The following ITPK1 variants were observed in gnomAD, a reference collection of about 807,000 sequenced individuals.
ITPK1 encodes inositol 1,3,4-trisphosphate 5/6-kinase.
In ITPK1, 21 loss-of-function variants were observed where a neutral mutation model predicts 45.3. The ratio of observed to expected loss-of-function variants is 0.46; its 90% CI spans 0.33 to 0.67. The LOEUF (loss-of-function observed/expected upper bound fraction) is 0.67, where lower values mean the gene tolerates loss of function less well. ITPK1 is among the 30% of genes least tolerant of loss of function. ITPK1 has a pLI of 0.02. For synonymous variants in ITPK1, 258 were observed against 253.6 expected, an observed-to-expected ratio of 1.02 and a Z score of -0.16; for missense variants, 474 against 573.5, an observed-to-expected ratio of 0.83 and a Z score of 1.77.
intron 2 of ITPK1, among the ~76,000 whole-genome samples, chr14:93,107,991 C>T (rs1892592144): frequency 6.6e-6 from 1 of 152,230 alleles, no homozygotes; most frequent in African/African-American, 2.4e-5. Flanking sequence ...CACAAGGAGG[C>T]TTTGGCCAGT....
At position 92,940,328 on chromosome 14, in the gene ITPK1, A is replaced by C; in HGVS notation, c.*1233T>G. The C allele has an allele frequency of 1.0e-6, 1 of 996,176 alleles. No homozygotes were observed. Among genetic ancestry groups the C allele is most frequent in the Non-Finnish European group, 1.2e-6 (1 of 836,236 alleles). The allele number at this position is 996,176 out of a possible 1,614,324, so 61.7% of individuals were successfully genotyped here. A position where few individuals can be genotyped will look rare whatever the true frequency, so the allele number is the denominator to read the frequency against. On this transcript the variant is annotated 3_prime_UTR_variant, in exon 11 of 11. Coordinates refer to ENST00000267615, the MANE Select transcript of ITPK1 (RefSeq NM_014216.6). ...AGCACCCCACATCTTCCAGGACTGC[A>C]GAGGCTTCTCCCCAACCCTTTTCTC...
At chr14:92,972,779 C>T (rs369885359) in intron 5 of ITPK1, among the ~76,000 whole-genome samples, 2 of 152,124 alleles carry the variant, frequency 1.3e-5, no homozygotes, top group East Asian at 3.9e-4. Context: ...TTAGTAGAGA[C>T]GGGGTTTTGC....
chr14:92,979,818 CTTT>C (rs34155349), intron 5 of ITPK1, among the ~76,000 whole-genome samples: 2 of 144,808 alleles, frequency 1.4e-5, no homozygotes, highest in Admixed American at 1.4e-4. Context: ...TTTTTAATCC[CTTT>C]TTTTTTTTTG....
At chr14:92,953,213 C>T (rs577525821) in intron 8 of ITPK1, among the ~76,000 whole-genome samples, 5 of 152,382 alleles carry the variant, frequency 3.3e-5, no homozygotes, top group Admixed American at 6.5e-5. Context: ...GTGATTCGGG[C>T]GGAAGCCAAG....
chr14:92,944,047 G>A lies in ITPK1; in HGVS notation c.902-2143C>T, dbSNP rs562038528. Among the ~76,000 whole-genome samples, 24 of 152,308 alleles carry A rather than the reference G, an allele frequency of 1.6e-4. No homozygotes were observed. The East Asian group carries it at 4.2e-3, about 27-fold the overall frequency. ...AGATTCCAGCGGCCCTTTGCACAACGCCTCGTGAGGACGAAGTGAGGCGTC... is the reference window on the plus strand; with the variant it reads ...AGATTCCAGCGGCCCTTTGCACAACACCTCGTGAGGACGAAGTGAGGCGTC... On this transcript the variant is annotated intron_variant, in intron 10 of 10. Transcript: ENST00000267615.
intron 4 of ITPK1, among the ~76,000 whole-genome samples, chr14:93,011,602 G>A (rs536963385): frequency 6.6e-6 from 1 of 152,324 alleles, no homozygotes; most frequent in South Asian, 2.1e-4. Context: ...ACTTTGTCCT[G>A]TGTAGGCTGG....
chr14:92,947,581 A>T (rs1016998825), intron 9 of ITPK1, among the ~76,000 whole-genome samples: 1 of 152,204 alleles, frequency 6.6e-6, no homozygotes, highest in Non-Finnish European at 1.5e-5. Context: ...CTGTAAAAGG[A>T]AGCAACAGGC....
rs947548620 is a variant in ITPK1, at chr14:93,063,066, C to T, written c.120+13529G>A. Among the ~76,000 whole-genome samples the T allele has an allele frequency of 6.6e-6, 1 of 152,198 alleles. No individual in the cohort carries two copies. Among genetic ancestry groups the T allele is most frequent in the Non-Finnish European group, 1.5e-5 (1 of 68,036 alleles). ...AGTAAATGTGCGCCCCCACCCCACC[C>T]CCATCTCCCATCTCTCTCCCACGCC... On this transcript the variant is annotated intron_variant, in intron 3 of 10. Coordinates refer to ENST00000267615, the MANE Select transcript of ITPK1 (RefSeq NM_014216.6). The surrounding 1 kb of genome is among the most constrained non-coding windows in gnomAD (Gnocchi z 4.3).
intron 2 of ITPK1, among the ~76,000 whole-genome samples, chr14:93,077,381 G>C (rs929352771): frequency 6.6e-6 from 1 of 151,882 alleles, no homozygotes; most frequent in Admixed American, 6.6e-5. Context: ...GGAATGTTAC[G>C]ATCTCAGCTC....
intron 9 of ITPK1, among the ~76,000 whole-genome samples, chr14:92,949,745 C>T (rs1887869691): frequency 6.6e-6 from 1 of 152,254 alleles, no homozygotes; most frequent in African/African-American, 2.4e-5. Context: ...ACGCCATTTA[C>T]AAAAGTGCTC....
At chr14:93,075,355 AAAAAAAG>A (rs1891177296) in intron 3 of ITPK1, among the ~76,000 whole-genome samples, 3 of 142,594 alleles carry the variant, frequency 2.1e-5, no homozygotes, top group African/African-American at 8.7e-5. Context: ...AAAAAAAAAA[AAAAAAAG>A]GAAGAGAAAA....
At chr14:93,028,026 T>C (rs1171314809) in intron 3 of ITPK1, among the ~76,000 whole-genome samples, 3 of 152,234 alleles carry the variant, frequency 2.0e-5, no homozygotes, top group Non-Finnish European at 4.4e-5. Flanking sequence ...TGTGGGTCCA[T>C]GCACCTGCTG....
chr14:93,113,357 T>C (rs1645389359), intron 2 of ITPK1, among the ~76,000 whole-genome samples: 1 of 152,190 alleles, frequency 6.6e-6, no homozygotes, highest in African/African-American at 2.4e-5. Context: ...CGGCGAAGAA[T>C]ATTTTGCGAG....
Position 93,076,865 on chromosome 14 carries a change from C to T in ITPK1, c.96-246G>A, listed in dbSNP as rs55676833. 0.13 allele frequency among the ~76,000 whole-genome samples: 20,214 copies of T among 152,040 alleles called. 1,467 individuals are homozygous for T. Among genetic ancestry groups the T allele is most frequent in the South Asian group, 0.25 (1,197 of 4,796 alleles). ...TTGCTGGAGTCCTCTGGAGGCCCCA[C>T]GCCAGCCACCTCCCTCCACTCCTGG... is the stretch of plus-strand genomic sequence containing the variant. On this transcript the variant is annotated intron_variant, in intron 2 of 10. Coordinates refer to ENST00000267615, the MANE Select transcript of ITPK1 (RefSeq NM_014216.6). This position sits in a 1 kb window ranked among gnomAD's most constrained non-coding sequence, Gnocchi z 4.3.
At position 92,938,916 on chromosome 14, in the gene ITPK1, T is replaced by C. The variant is rs74602588; in HGVS notation, c.*2645A>G. The C allele has an allele frequency of 2.9e-3, 752 of 256,120 alleles. 12 individuals carry two copies. The highest frequency in any genetic ancestry group is 0.016 in the African/African-American group (718 of 44,710). The allele number at this position is 256,120 out of a possible 1,614,324, so 15.9% of individuals were successfully genotyped here. Reference sequence around the variant, plus strand: ...GACTGTGCAGGTGACCCTCTGAAACTACCCAAGGACTCAGCCAAAGTGTGG... The same window carrying C: ...GACTGTGCAGGTGACCCTCTGAAACCACCCAAGGACTCAGCCAAAGTGTGG... On this transcript the variant is annotated 3_prime_UTR_variant, in exon 11 of 11. Transcript: ENST00000267615.
At position 92,963,877 on chromosome 14, in the gene ITPK1, G is replaced by A. The variant is rs74074537; in HGVS notation, c.365-1028C>T. Among the ~76,000 whole-genome samples, 1,355 of 152,276 alleles carry A rather than the reference G, an allele frequency of 8.9e-3. 19 individuals carry two copies. Among genetic ancestry groups the A allele is most frequent in the African/African-American group, 0.03 (1,266 of 41,538 alleles). Reference sequence around the variant, plus strand: ...AAGGTGGGACCACCCTGTACTTCAGGGCACAGGGGCCAGGAAAGGCTGAGT... The same window carrying A: ...AAGGTGGGACCACCCTGTACTTCAGAGCACAGGGGCCAGGAAAGGCTGAGT... On this transcript the variant is annotated intron_variant, in intron 5 of 10. Coordinates refer to ENST00000267615, the MANE Select transcript of ITPK1 (RefSeq NM_014216.6).
chr14:93,097,449 C>A (rs1219719237), intron 2 of ITPK1, among the ~76,000 whole-genome samples: 2 of 152,174 alleles, frequency 1.3e-5, no homozygotes, highest in Non-Finnish European at 2.9e-5. Flanking sequence ...AAAGGTCAAG[C>A]CCCAGGGCAG....
At chr14:93,046,195 G>A (rs1479135384) in intron 3 of ITPK1, among the ~76,000 whole-genome samples, 1 of 152,172 alleles carries the variant, frequency 6.6e-6, no homozygotes. Flanking sequence ...TTCCAAACAG[G>A]ACTTTCTTGT....
At chr14:93,084,181 C>A (rs1891560187) in intron 2 of ITPK1, among the ~76,000 whole-genome samples, 2 of 152,236 alleles carry the variant, frequency 1.3e-5, no homozygotes, top group South Asian at 2.1e-4. Context: ...GCCAGCCAGA[C>A]CCGCCACCTG....
Sources: allele counts gnomAD v4.1 joint callset (sites outside exome capture counted in the v4.1 genomes callset), GRCh38; gene constraint gnomAD v4.1.1; non-coding constraint Gnocchi (gnomAD v3.1); transcripts MANE v1.5; gene names NCBI Gene and HGNC (gene_info 2026-07-23, HGNC 2026-07-21).